The following LYZL4 variants were observed in gnomAD, a reference collection of about 807,000 sequenced individuals.
The protein encoded by LYZL4 is lysozyme like 4, also known as lysozyme-like protein 4.
Under a neutral mutation model 17.6 loss-of-function variants are expected in LYZL4, and 13 were observed. The ratio of observed to expected loss-of-function variants is 0.74; its 90% CI spans 0.48 to 1.18. The LOEUF (loss-of-function observed/expected upper bound fraction) is 1.18, where lower values mean the gene tolerates loss of function less well. Ranked by LOEUF, LYZL4 falls within the 50% of genes most tolerant of loss-of-function variation. The probability of loss-of-function intolerance (pLI) is 0.00; values close to 1 mark genes in which losing one functional copy is unlikely to be tolerated. For missense variants in LYZL4, 174 were observed against 188.2 expected (o/e 0.92, Z 0.44); for synonymous variants, 64 against 67.7 (o/e 0.95, Z 0.27).
intron 2 of LYZL4, 24 bp downstream of exon 2, chr3:42,407,089 G>A (rs1219651409): frequency 1.9e-6 from 3 of 1,613,564 alleles, no homozygotes; most frequent in African/African-American, 2.7e-5. Flanking sequence ...TGAGAGGAGG[G>A]AGCACTAAGT....
At chr3:42,407,402 G>T in intron 1 of LYZL4, 59 bp from the exon 2 acceptor site, 1 of 955,188 alleles carries the variant, frequency 1.0e-6, no homozygotes, top group Non-Finnish European at 1.5e-6. Context: ...AGTCTCACCT[G>T]GTAAGCCATG....
the LYZL4 span, among the ~76,000 whole-genome samples, chr3:42,384,045 G>T: frequency 6.6e-6 from 1 of 152,114 alleles, no homozygotes; most frequent in African/African-American, 2.4e-5. Context: ...CCACATTGAG[G>T]CATGTCACTG....
chr3:42,386,713 A>G, the LYZL4 span, among the ~76,000 whole-genome samples: 1 of 152,230 alleles, frequency 6.6e-6, no homozygotes, highest in Non-Finnish European at 1.5e-5. Flanking sequence ...TGTTAATTTT[A>G]AGAAGTTACT....
At chr3:42,370,384 A>T in the LYZL4 span, among the ~76,000 whole-genome samples, 1 of 151,606 alleles carries the variant, frequency 6.6e-6, no homozygotes, top group Non-Finnish European at 1.5e-5. Context: ...ATCAGAACAC[A>T]GGCCTTAAAT....
downstream of LYZL4, among the ~76,000 whole-genome samples, chr3:42,394,935 G>A (rs528031906): frequency 3.0e-4 from 45 of 152,282 alleles, no homozygotes; most frequent in Non-Finnish European, 4.3e-4. Context: ...GTGCATTATC[G>A]TTCTTGGACC....
At chr3:42,409,940 T>C (rs1182928771) in intron 1 of LYZL4, among the ~76,000 whole-genome samples, 1 of 152,204 alleles carries the variant, frequency 6.6e-6, no homozygotes, top group African/African-American at 2.4e-5. Flanking sequence ...TTCTTTTCCT[T>C]GAATATGCCA....
At chr3:42,389,450 C>T in the LYZL4 span, among the ~76,000 whole-genome samples, 67 of 152,350 alleles carry the variant, frequency 4.4e-4, no homozygotes, top group South Asian at 0.012. Flanking sequence ...GTAAACCCTA[C>T]AGGTGGCTGA....
At chr3:42,404,562 T>C (rs557975756) in intron 3 of LYZL4, among the ~76,000 whole-genome samples, 1 of 152,334 alleles carries the variant, frequency 6.6e-6, no homozygotes, top group African/African-American at 2.4e-5. Context: ...TCAGGATATA[T>C]AGTCCACCAT....
At chr3:42,367,610 C>T in the LYZL4 span, among the ~76,000 whole-genome samples, 2 of 151,430 alleles carry the variant, frequency 1.3e-5, no homozygotes, top group Non-Finnish European at 2.9e-5. Context: ...GGCTGGGATG[C>T]CTGTAGCTGG....
intron 1 of LYZL4, among the ~76,000 whole-genome samples, chr3:42,407,999 C>A (rs1004448150): frequency 6.6e-6 from 1 of 152,168 alleles, no homozygotes; most frequent in Non-Finnish European, 1.5e-5. Flanking sequence ...GGGGAGCGCA[C>A]TCAGAGAATG....
the LYZL4 span, among the ~76,000 whole-genome samples, chr3:42,383,669 T>C: frequency 6.6e-6 from 1 of 151,528 alleles, no homozygotes; most frequent in African/African-American, 2.4e-5. Context: ...AAAACCAGAA[T>C]TGCATCTTCA....
At chr3:42,397,421 C>T in intron 4 of LYZL4, 87 bp from the exon 5 acceptor site, 1 of 860,748 alleles carries the variant, frequency 1.2e-6, no homozygotes, top group Non-Finnish European at 1.9e-6. Context: ...GCCATTTACA[C>T]CTGCCTGCCC....
chr3:42,399,626 T>G (rs955396055), intron 4 of LYZL4, among the ~76,000 whole-genome samples: 1 of 152,152 alleles, frequency 6.6e-6, no homozygotes, highest in African/African-American at 2.4e-5. Context: ...AAAATATCTG[T>G]GGGTACATTT....
At chr3:42,386,075 C>T in the LYZL4 span, among the ~76,000 whole-genome samples, 1 of 152,070 alleles carries the variant, frequency 6.6e-6, no homozygotes, top group Non-Finnish European at 1.5e-5. Context: ...CATCACATCT[C>T]CCCCCGACCT....
intron 4 of LYZL4, among the ~76,000 whole-genome samples, chr3:42,399,994 C>G (rs1698627103): frequency 6.6e-6 from 1 of 151,342 alleles, no homozygotes; most frequent in Non-Finnish European, 1.5e-5. Context: ...TTGCAACAAC[C>G]TAATAGTTCC....
At chr3:42,371,989 A>G in the LYZL4 span, among the ~76,000 whole-genome samples, 29,332 of 152,188 alleles carry the variant, frequency 0.19, 7,534 homozygotes, top group African/African-American at 0.59. Flanking sequence ...TTCTGTGGCC[A>G]GGAGGATTCT....
At chr3:42,385,003 T>C in the LYZL4 span, among the ~76,000 whole-genome samples, 1 of 152,212 alleles carries the variant, frequency 6.6e-6, no homozygotes, top group Non-Finnish European at 1.5e-5. Context: ...GGAGTGTTGA[T>C]CTTCACGACA....
chr3:42,368,792 T>A, the LYZL4 span, among the ~76,000 whole-genome samples: 1 of 152,190 alleles, frequency 6.6e-6, no homozygotes, highest in Non-Finnish European at 1.5e-5. Context: ...TATTCACCCA[T>A]CTGTATATTA....
chr3:42,392,638 T>C (rs561313781), downstream of LYZL4, among the ~76,000 whole-genome samples: 11 of 151,958 alleles, frequency 7.2e-5, no homozygotes, highest in Non-Finnish European at 1.5e-4. Flanking sequence ...GGGATGAGGG[T>C]GCATGCATGA....
Sources: gnomAD v4.1 joint callset for allele counts (sites outside exome capture counted in the v4.1 genomes callset) on GRCh38, gnomAD v4.1.1 for gene constraint, MANE v1.5 for transcripts, NCBI Gene and HGNC (gene_info 2026-07-23, HGNC 2026-07-21) for gene names.